The following PDZD9 variants were observed in gnomAD, a reference collection of about 807,000 sequenced individuals.
PDZD9 encodes the protein PDZ domain containing 9, also known as PDZ domain-containing protein 9.
In PDZD9, 13 loss-of-function variants were observed where a neutral mutation model predicts 16.3. That is an observed-to-expected ratio of 0.80 (90% CI 0.52 to 1.27). PDZD9 has a LOEUF of 1.27. Among genes scored for constraint, PDZD9 ranks in the 50% most tolerant of loss-of-function variants. The pLI is 0.00. For missense variants in PDZD9, 288 were observed against 310.9 expected, an observed-to-expected ratio of 0.93 and a Z score of 0.55; for synonymous variants, 120 against 111.0, an observed-to-expected ratio of 1.08 and a Z score of -0.51.
At chr16:21,965,194 C>A in the PDZD9 span, among the ~76,000 whole-genome samples, 1 of 152,184 alleles carries the variant, frequency 6.6e-6, no homozygotes, top group South Asian at 2.1e-4. Flanking sequence ...ATAGAAGCTG[C>A]TGCCATGTAA....
chr16:21,973,163 G>C, the PDZD9 span, among the ~76,000 whole-genome samples: 2 of 152,154 alleles, frequency 1.3e-5, no homozygotes, highest in African/African-American at 4.8e-5. Flanking sequence ...TACGTGGACT[G>C]AGCCAATGGT....
At chr16:21,962,785 C>G in the PDZD9 span, 4 of 1,614,056 alleles carry the variant, frequency 2.5e-6, no homozygotes, top group Non-Finnish European at 3.4e-6. Context: ...AGTTCCTGCT[C>G]AATGTCACCA....
At chr16:21,972,649 C>T in the PDZD9 span, among the ~76,000 whole-genome samples, 20 of 152,126 alleles carry the variant, frequency 1.3e-4, no homozygotes, top group African/African-American at 4.6e-4. Context: ...CCGAGGTGGG[C>T]GGATCACTGG....
chr16:22,000,544 G>T (rs1048914799), intron 1 of PDZD9, among the ~76,000 whole-genome samples: 1 of 151,856 alleles, frequency 6.6e-6, no homozygotes, highest in African/African-American at 2.4e-5. Context: ...TTAAAAGGGG[G>T]GATCTTACTG....
At chr16:21,969,193 G>A in the PDZD9 span, among the ~76,000 whole-genome samples, 3 of 152,128 alleles carry the variant, frequency 2.0e-5, no homozygotes, top group East Asian at 5.8e-4. Context: ...TTGTTAGTAG[G>A]AATATAAACT....
chr16:21,961,806 C>T, the PDZD9 span, among the ~76,000 whole-genome samples: 2 of 151,166 alleles, frequency 1.3e-5, no homozygotes, highest in African/African-American at 4.9e-5. Flanking sequence ...CGTGCGCCAC[C>T]ATGCTTGGCT....
the PDZD9 span, chr16:21,973,781 T>C: frequency 4.8e-6 from 4 of 831,188 alleles, no homozygotes; most frequent in Non-Finnish European, 7.7e-6. Context: ...AAGTAAAATA[T>C]TAATCTATTT....
chr16:21,983,141 G>A (rs755224233), downstream of PDZD9: 6 of 1,614,036 alleles, frequency 3.7e-6, no homozygotes, highest in Admixed American at 8.3e-5. Flanking sequence ...GTGGAAATTT[G>A]GGACATACAC....
chr16:21,996,716 G>A (rs1899160944), intron 1 of PDZD9, among the ~76,000 whole-genome samples: 1 of 152,198 alleles, frequency 6.6e-6, no homozygotes, highest in Non-Finnish European at 1.5e-5. Flanking sequence ...CTGGCATATT[G>A]TGAGTGCTTA....
the PDZD9 span, among the ~76,000 whole-genome samples, chr16:21,959,108 AGGT>A: frequency 6.6e-6 from 1 of 152,156 alleles, no homozygotes; most frequent in Non-Finnish European, 1.5e-5. Flanking sequence ...TGACTGATCA[AGGT>A]GGTGGTTGCT....
chr16:21,989,543 C>T (rs1005550536), intron 2 of PDZD9, among the ~76,000 whole-genome samples: 3 of 152,154 alleles, frequency 2.0e-5, no homozygotes, highest in African/African-American at 7.2e-5. Flanking sequence ...TTTCCAGTGC[C>T]CTCCACAGTT....
At chr16:21,963,827 C>T in the PDZD9 span, among the ~76,000 whole-genome samples, 1 of 152,130 alleles carries the variant, frequency 6.6e-6, no homozygotes, top group African/African-American at 2.4e-5. Flanking sequence ...TTTATTGCTG[C>T]TGCTATTATT....
the PDZD9 span, chr16:21,965,590 C>T: frequency 8.7e-7 from 1 of 1,155,354 alleles, no homozygotes; most frequent in African/African-American, 1.6e-5. Context: ...GTTAATTTTT[C>T]CTTTTATCTT....
the PDZD9 span, among the ~76,000 whole-genome samples, chr16:21,967,306 T>G: frequency 3.3e-5 from 5 of 152,232 alleles, no homozygotes; most frequent in Non-Finnish European, 5.9e-5. Context: ...TTTAGCCCAG[T>G]GATTCTCAAA....
At chr16:21,995,595 A>C (rs1244394235) in intron 2 of PDZD9, among the ~76,000 whole-genome samples, 3 of 152,022 alleles carry the variant, frequency 2.0e-5, no homozygotes, top group Non-Finnish European at 4.4e-5. Flanking sequence ...GTTCTCAACT[A>C]ATGTCATATC....
the PDZD9 span, chr16:21,971,397 A>C: frequency 1.4e-6 from 1 of 727,278 alleles, no homozygotes; most frequent in Non-Finnish European, 2.2e-6. Context: ...GCATTATGGC[A>C]GGAAGACTCT....
downstream of PDZD9, among the ~76,000 whole-genome samples, chr16:21,982,578 C>G (rs1256075809): frequency 1.3e-5 from 2 of 152,176 alleles, no homozygotes; most frequent in African/African-American, 4.8e-5. Context: ...AGAGAAACAG[C>G]TAAGCTTTTC....
the PDZD9 span, among the ~76,000 whole-genome samples, chr16:21,967,282 T>C: frequency 6.6e-6 from 1 of 152,278 alleles, no homozygotes; most frequent in African/African-American, 2.4e-5. Context: ...TGATTAAAAG[T>C]TCAGTTTCAT....
chr16:21,982,965 A>G, downstream of PDZD9: 1 of 285,868 alleles, frequency 3.5e-6, no homozygotes. Flanking sequence ...CTCCACCTCA[A>G]AAAAAAAAAA....
Sources: allele counts gnomAD v4.1 joint callset (sites outside exome capture counted in the v4.1 genomes callset), GRCh38; gene constraint gnomAD v4.1.1; transcripts MANE v1.5; gene names NCBI Gene and HGNC (gene_info 2026-07-23, HGNC 2026-07-21).